The following C11orf42 variants were observed in gnomAD, a reference collection of about 807,000 sequenced individuals.
C11orf42 encodes the protein chromosome 11 open reading frame 42, also known as uncharacterized protein C11orf42.
In C11orf42, 24 loss-of-function variants were observed where a neutral mutation model predicts 27.9. That is an observed-to-expected ratio of 0.86 (90% CI 0.62 to 1.21). The LOEUF is 1.21. C11orf42 is among the 50% of genes most tolerant of loss of function. The pLI is 0.00. For missense variants in C11orf42, 455 were observed against 424.1 expected, an observed-to-expected ratio of 1.07 and a Z score of -0.64; for synonymous variants, 187 against 180.8, an observed-to-expected ratio of 1.03 and a Z score of -0.28.
Position 6,210,864 on chromosome 11 carries a change from G to GA in C11orf42, c.872-44dup, listed in dbSNP as rs770848672. 3 of 1,535,682 alleles carry GA rather than the reference G, an allele frequency of 2.0e-6. No homozygotes were observed. Among genetic ancestry groups the GA allele is most frequent in the South Asian group, 2.4e-5 (2 of 81,854 alleles). ...GGACCAGAGGGAAAAGCTAGGGGGG[G>GA]AAAAGACCAGCCATGAGTCAAGCTG... On this transcript the variant is annotated intron_variant, in intron 2 of 2. Transcript: ENST00000316375. The surrounding 1 kb of genome is among the most constrained non-coding windows in gnomAD (Gnocchi z 4.0).
intron 1 of C11orf42, among the ~76,000 whole-genome samples, chr11:6,209,250 G>A (rs552154785): frequency 1.3e-5 from 2 of 151,742 alleles, no homozygotes; most frequent in African/African-American, 4.8e-5. Flanking sequence ...AGGCCTTCAG[G>A]CGGCTTCCCA....
In C11orf42 at chr11:6,209,939, A is replaced by G. The variant is rs1419575924; in HGVS notation, c.162A>G (p.Lys54=). ...ATGACCTACTGGGTGTGCTGGTAAA[A>G]CAGTCCCGCCCAGCCCATACCCGCC... ...ACYDLLGVLV[K]QSRPAHTRLA... is the part of the protein sequence containing the mutation. The change falls in exon 2 of 3, where the codon AAA becomes AAG. Residue 54 remains lysine (K), a synonymous_variant. Transcript: ENST00000316375. The G allele has an allele frequency of 6.2e-7, 1 of 1,610,824 alleles. No homozygotes were observed. Among genetic ancestry groups the G allele is most frequent in the South Asian group, 1.1e-5 (1 of 91,064 alleles).
chr11:6,209,770 G>A lies in C11orf42; in HGVS notation c.73-80G>A. 5 of 1,383,632 alleles carry A rather than the reference G, an allele frequency of 3.6e-6. 1 individual carries two copies. The South Asian group carries it at 5.6e-5, about 15-fold the overall frequency. 85.7% of individuals were successfully genotyped at this position (1,383,632 alleles called of 1,614,324 possible). A position where few individuals can be genotyped will look rare whatever the true frequency, so the allele number is the denominator to read the frequency against. On this transcript the variant is annotated intron_variant, in intron 1 of 2. Transcript: ENST00000316375. ...ACATTATAGAGATGTAACTGAACGTGAACCTGGGGGTCAATTTAAAGTAGG... is the reference window on the plus strand; with the variant it reads ...ACATTATAGAGATGTAACTGAACGTAAACCTGGGGGTCAATTTAAAGTAGG...
Position 6,209,889 on chromosome 11 carries a change from C to A in C11orf42, c.112C>A (p.Pro38Thr). Reference sequence around the variant, plus strand: ...CTTTGGGCCCAATGCAGTAGCAGTACCTTTCCTGTCAGATGCAGCCTGCTA... The same window carrying A: ...CTTTGGGCCCAATGCAGTAGCAGTAACTTTCCTGTCAGATGCAGCCTGCTA... ...EHFGPNAVAV[P>T]FLSDAACYDL... The change falls in exon 2 of 3, where the codon CCT becomes ACT. Residue 38 changes from proline to threonine, a missense_variant. Transcript: ENST00000316375. The A allele has an allele frequency of 1.3e-6, 2 of 1,598,514 alleles. No homozygotes were observed. The highest frequency in any genetic ancestry group is 1.7e-6 in the Non-Finnish European group (2 of 1,166,908).
At position 6,209,855 on chromosome 11, in the gene C11orf42, C is replaced by G; in HGVS notation, c.78C>G (p.Ile26Met). Residue 26 changes from isoleucine to methionine, a missense_variant, in exon 2 of 3, where the codon ATC becomes ATG. Transcript: ENST00000316375. The part of the protein sequence containing the change: ...ATWTLIKDKV[I>M]EEHFGPNAVA... ...TATAAACTGGCCACCTGCAGGTCAT[C>G]GAGGAGCACTTTGGGCCCAATGCAG... 6.3e-7 allele frequency: 1 copy of G among 1,579,480 alleles called. No individual in the cohort carries two copies.
rs1847042010 is a variant in C11orf42, at chr11:6,210,535, C to A, written c.758C>A (p.Pro253Gln). ...ADTTEAADVP[P>Q]PVPAPPTPPP... ...ACAACTGAAGCTGCTGATGTGCCCC[C>A]ACCTGTCCCAGCCCCACCTACGCCA... Residue 253 changes from proline to glutamine, a missense_variant, in exon 2 of 3, where the codon CCA (proline) becomes CAA (glutamine). Pro to Gln is a moderately conservative substitution (Grantham distance 76). Coordinates refer to ENST00000316375, the MANE Select transcript of C11orf42 (RefSeq NM_173525.3). This position sits in a 1 kb window ranked among gnomAD's most constrained non-coding sequence, Gnocchi z 4.0. The A allele has an allele frequency of 2.5e-6, 4 of 1,613,634 alleles. No individual in the cohort carries two copies. Among genetic ancestry groups the A allele is most frequent in the Non-Finnish European group, 3.4e-6 (4 of 1,179,706 alleles).
In C11orf42 at chr11:6,210,748, C is replaced by T; in HGVS notation, c.871+100C>T. 2.1e-6 allele frequency: 3 copies of T among 1,424,604 alleles called. No homozygotes were observed. The highest frequency in any genetic ancestry group is 1.9e-6 in the Non-Finnish European group (2 of 1,050,232). The allele number at this position is 1,424,604 out of a possible 1,614,324, so 88.2% of individuals were successfully genotyped here. A position where few individuals can be genotyped will look rare whatever the true frequency, so the allele number is the denominator to read the frequency against. ...TATGTGAGGAATCCATTACTCAGCA[C>T]AGGGCTCTGGTGAAAGAGATGGAAT... is the stretch of plus-strand genomic sequence containing the variant. On this transcript the variant is annotated intron_variant, in intron 2 of 2. Transcript: ENST00000316375. This position sits in a 1 kb window ranked among gnomAD's most constrained non-coding sequence, Gnocchi z 4.0.
In C11orf42 at chr11:6,209,992, G is replaced by A; in HGVS notation, c.215G>A (p.Arg72Lys). 5 of 1,614,054 alleles carry A rather than the reference G, an allele frequency of 3.1e-6. No homozygotes were observed. Among genetic ancestry groups the A allele is most frequent in the Non-Finnish European group, 4.2e-6 (5 of 1,179,864 alleles). Residue 72 changes from arginine to lysine, a missense_variant, in exon 2 of 3, where the codon AGG (arginine) becomes AAG (lysine). By Grantham distance (26) the Arg-to-Lys change is conservative. Coordinates refer to ENST00000316375, the MANE Select transcript of C11orf42 (RefSeq NM_173525.3). Reference protein sequence around the residue: ...RLALPGRQGRRALKPVGPLPS... With the variant: ...RLALPGRQGRKALKPVGPLPS... The stretch of plus-strand genomic sequence containing the variant: ...GCTTTGCCAGGTCGGCAGGGCCGGA[G>A]GGCACTGAAACCAGTGGGGCCACTA...
chr11:6,207,736 G>A (rs1351114143), intron 1 of C11orf42, among the ~76,000 whole-genome samples: 1 of 152,226 alleles, frequency 6.6e-6, no homozygotes, highest in East Asian at 1.9e-4. Flanking sequence ...TGACAAGACA[G>A]TAGTCTACAA....
chr11:6,207,476 A>G lies in C11orf42; in HGVS notation c.72+1789A>G, dbSNP rs183942313. Among the ~76,000 whole-genome samples the G allele has an allele frequency of 2.0e-5, 3 of 152,194 alleles. No homozygotes were observed. In the South Asian group the frequency reaches 6.2e-4, roughly 32 times the overall value. ...TTGTCTTATTTGTGTAGGATCCTTGACACCAAAGGAGCAGTTAGTGTGAGA... is the reference window on the plus strand; with the variant it reads ...TTGTCTTATTTGTGTAGGATCCTTGGCACCAAAGGAGCAGTTAGTGTGAGA... On this transcript the variant is annotated intron_variant, in intron 1 of 2. Coordinates refer to ENST00000316375, the MANE Select transcript of C11orf42 (RefSeq NM_173525.3).
At position 6,205,629 on chromosome 11, in the gene C11orf42, C is replaced by T; in HGVS notation, c.14C>T (p.Thr5Ile). Residue 5 changes from threonine to isoleucine, a missense_variant, in exon 1 of 3, where the codon ACC becomes ATC. Transcript: ENST00000316375. ...CCATACCCCACCATGTTGGTGGGTA[C>T]CCCCAACCTGCTGACACTGGATGAA... MLVG[T>I]PNLLTLDEAD... is the part of the protein sequence containing the mutation. 1.2e-6 allele frequency: 2 copies of T among 1,613,704 alleles called. No individual in the cohort carries two copies. Among genetic ancestry groups the T allele is most frequent in the South Asian group, 1.1e-5 (1 of 91,032 alleles).
In C11orf42 at chr11:6,211,024, G is replaced by T. The variant is rs1239296346; in HGVS notation, c.984G>T (p.Glu328Asp). 1 of 1,610,884 alleles carries T rather than the reference G, an allele frequency of 6.2e-7. No individual in the cohort carries two copies. Among genetic ancestry groups the T allele is most frequent in the Non-Finnish European group, 8.5e-7 (1 of 1,179,010 alleles). Reference protein sequence around the residue: ...SLPLLQGLSSEFDSDD With the variant: ...SLPLLQGLSSDFDSDD ...CCCTGCTGCAGGGTCTATCCTCAGA[G>T]TTCGACAGTGACGACTGAAGCTGAA... is the stretch of plus-strand genomic sequence containing the variant. Residue 328 changes from glutamate (E) to aspartate (D), a missense_variant, in exon 3 of 3, where the codon GAG (glutamate) becomes GAT (aspartate). Physicochemically the swap from Glu to Asp is conservative, Grantham distance 45. Coordinates refer to ENST00000316375, the MANE Select transcript of C11orf42 (RefSeq NM_173525.3).
chr11:6,209,252 G>A (rs1379420413), intron 1 of C11orf42, among the ~76,000 whole-genome samples: 13 of 151,504 alleles, frequency 8.6e-5, no homozygotes, highest in Admixed American at 5.3e-4. Context: ...GCCTTCAGGC[G>A]GCTTCCCACT....
Position 6,210,866 on chromosome 11 carries a change from A to G in C11orf42, c.872-46A>G, listed in dbSNP as rs750187134. On this transcript the variant is annotated intron_variant, in intron 2 of 2. Coordinates refer to ENST00000316375, the MANE Select transcript of C11orf42 (RefSeq NM_173525.3). The surrounding 1 kb of genome is among the most constrained non-coding windows in gnomAD (Gnocchi z 4.0). ...ACCAGAGGGAAAAGCTAGGGGGGGA[A>G]AAGACCAGCCATGAGTCAAGCTGTG... The G allele has an allele frequency of 1.7e-5, 26 of 1,540,394 alleles. No individual in the cohort carries two copies. The Middle Eastern group carries it at 1.6e-3, about 95-fold the overall frequency.
Position 6,210,487 on chromosome 11 carries a change from C to T in C11orf42, c.710C>T (p.Ala237Val). The change falls in exon 2 of 3, where the codon GCC (alanine) becomes GTC (valine). Residue 237 changes from alanine (A) to valine (V), a missense_variant. Transcript: ENST00000316375. This position sits in a 1 kb window ranked among gnomAD's most constrained non-coding sequence, Gnocchi z 4.0. ...RPNLSIMPPL[A>V]PTSAPADTTE... The stretch of plus-strand genomic sequence containing the variant: ...AACCTCAGCATCATGCCGCCTCTGG[C>T]CCCCACATCAGCACCTGCTGATACA... 1 of 1,613,444 alleles carries T rather than the reference C, an allele frequency of 6.2e-7. No homozygotes were observed. The highest frequency in any genetic ancestry group is 8.5e-7 in the Non-Finnish European group (1 of 1,179,510).
intron 1 of C11orf42, among the ~76,000 whole-genome samples, chr11:6,207,916 G>C (rs1164450075): frequency 6.6e-6 from 1 of 152,144 alleles, no homozygotes; most frequent in African/African-American, 2.4e-5. Context: ...CCATCAGTAG[G>C]GGCATAGATG....
intron 1 of C11orf42, among the ~76,000 whole-genome samples, chr11:6,206,156 G>A (rs1846977350): frequency 6.6e-6 from 1 of 152,120 alleles, no homozygotes; most frequent in South Asian, 2.1e-4. Flanking sequence ...AGAGGAAAAA[G>A]AACAACTCAT....
chr11:6,206,332 T>C (rs1307625874), intron 1 of C11orf42, among the ~76,000 whole-genome samples: 1 of 152,176 alleles, frequency 6.6e-6, no homozygotes, highest in Non-Finnish European at 1.5e-5. Context: ...CTCCTCCACC[T>C]TAACTTCCAC....
chr11:6,209,823 C>T (rs758207934), intron 1 of C11orf42, 27 bp from the exon 2 acceptor site: 1 of 1,549,270 alleles, frequency 6.5e-7, no homozygotes, highest in South Asian at 1.2e-5. Context: ...ACCCTAAGTC[C>T]CTGACCTATA....
Sources: gnomAD v4.1 joint callset for allele counts (sites outside exome capture counted in the v4.1 genomes callset) on GRCh38, gnomAD v4.1.1 for gene constraint, Gnocchi (gnomAD v3.1) non-coding constraint, MANE v1.5 for transcripts, NCBI Gene and HGNC (gene_info 2026-07-23, HGNC 2026-07-21) for gene names.